The following FAT3 variants were observed in gnomAD, a reference collection of about 807,000 sequenced individuals.
The protein encoded by FAT3 is FAT atypical cadherin 3.
A neutral mutation model predicts 310.2 loss-of-function variants in FAT3; 95 were observed. The ratio of observed to expected loss-of-function variants is 0.31; its 90% CI spans 0.26 to 0.36. The LOEUF (loss-of-function observed/expected upper bound fraction) is 0.36. FAT3 is among the 10% of genes least tolerant of loss of function. FAT3 has a pLI of 1.00. For synonymous variants in FAT3, 2,314 were observed against 2,192.9 expected, an observed-to-expected ratio of 1.06 and a Z score of -1.54; for missense variants, 5,408 against 5,715.6, an observed-to-expected ratio of 0.95 and a Z score of 1.74.
intron 2 of FAT3, among the ~76,000 whole-genome samples, chr11:92,489,541 G>A (rs1043230634): frequency 6.6e-6 from 1 of 152,130 alleles, no homozygotes; most frequent in Non-Finnish European, 1.5e-5. Context: ...ATGGAACATA[G>A]AGGAGAGTTG....
intron 2 of FAT3, among the ~76,000 whole-genome samples, chr11:92,372,664 A>AT (rs10709845): frequency 5.9e-4 from 87 of 147,142 alleles, no homozygotes; most frequent in African/African-American, 8.4e-4. Flanking sequence ...TGGGCAAACA[A>AT]TTTTTTTTTT....
chr11:92,497,883 CA>C (rs1952812236), intron 2 of FAT3, among the ~76,000 whole-genome samples: 1 of 151,964 alleles, frequency 6.6e-6, no homozygotes, highest in African/African-American at 2.4e-5. Context: ...GACTTTTCTG[CA>C]AGCGAAACAG....
intron 3 of FAT3, among the ~76,000 whole-genome samples, chr11:92,568,625 C>T (rs752730532): frequency 3.3e-5 from 5 of 152,130 alleles, no homozygotes; most frequent in Non-Finnish European, 5.9e-5. Flanking sequence ...CATTCCATTG[C>T]TAACAGAATA....
At chr11:92,312,214 G>A (rs1299743937) in intron 1 of FAT3, among the ~76,000 whole-genome samples, 3 of 152,180 alleles carry the variant, frequency 2.0e-5, no homozygotes, top group Admixed American at 6.5e-5. Context: ...CTGCCTACAG[G>A]AATTCGTGAT....
intron 4 of FAT3, among the ~76,000 whole-genome samples, chr11:92,718,498 A>G (rs1260149819): frequency 2.0e-5 from 3 of 152,188 alleles, no homozygotes; most frequent in Admixed American, 6.6e-5. Flanking sequence ...GCAGACAGGG[A>G]CAGGATTGTG....
intron 1 of FAT3, among the ~76,000 whole-genome samples, chr11:92,270,319 C>T (rs1946089713): frequency 6.6e-6 from 1 of 151,976 alleles, no homozygotes; most frequent in Non-Finnish European, 1.5e-5. Flanking sequence ...GAACTTGGGT[C>T]TCCTTCCTTT....
intron 3 of FAT3, among the ~76,000 whole-genome samples, chr11:92,574,637 C>T (rs952116648): frequency 1.2e-4 from 19 of 152,246 alleles, no homozygotes; most frequent in African/African-American, 3.6e-4. Context: ...TAGGAAACAT[C>T]GTTTTGGCTC....
At chr11:92,854,282 G>C (rs1052644639) in intron 19 of FAT3, among the ~76,000 whole-genome samples, 13 of 152,196 alleles carry the variant, frequency 8.5e-5, no homozygotes, top group African/African-American at 3.1e-4. Flanking sequence ...AGGCACTTCT[G>C]AGCTTGCAGG....
At chr11:92,335,291 A>G (rs1430749697) in intron 1 of FAT3, among the ~76,000 whole-genome samples, 3 of 151,888 alleles carry the variant, frequency 2.0e-5, no homozygotes, top group Non-Finnish European at 4.4e-5. Context: ...CAAAATTCCT[A>G]AATGATTTCA....
intron 1 of FAT3, among the ~76,000 whole-genome samples, chr11:92,304,329 C>T (rs1157291246): frequency 6.6e-6 from 1 of 152,070 alleles, no homozygotes; most frequent in Non-Finnish European, 1.5e-5. Context: ...CTCTTTATGG[C>T]AGGGTCTGAT....
chr11:92,783,502 TA>T (rs11349996), intron 7 of FAT3, among the ~76,000 whole-genome samples: 109,972 of 140,296 alleles, frequency 0.78, 43,197 homozygotes, highest in Non-Finnish European at 0.84. Flanking sequence ...CTTTTTTAAT[TA>T]AAAAAAAAAA....
chr11:92,753,798 G>GTGTGTATATATATATATATATATATA lies in FAT3; in HGVS notation c.3670-8057_3670-8056insGTGTATATATATATATATATATATAT. The stretch of plus-strand genomic sequence containing the variant: ...GGTGTGTGTGTGTGTGTGTGTGTGT[G>GTGTGTATATATATATATATATATATA]TATATATATATGGTGGAATACTACT... On this transcript the variant is annotated intron_variant, in intron 4 of 27. Coordinates refer to ENST00000525166, the MANE Select transcript of FAT3 (RefSeq NM_001367949.2). 4.2e-5 allele frequency among the ~76,000 whole-genome samples: 5 copies of GTGTGTATATATATATATATATATATA among 119,180 alleles called. No individual in the cohort carries two copies. The South Asian group carries it at 7.4e-4, about 18-fold the overall frequency. 78.2% of individuals were successfully genotyped at this position (119,180 alleles called of 152,430 possible).
intron 3 of FAT3, among the ~76,000 whole-genome samples, chr11:92,644,269 A>G (rs1256658101): frequency 1.3e-5 from 2 of 152,228 alleles, no homozygotes; most frequent in Non-Finnish European, 2.9e-5. Context: ...TTTTCTCTCT[A>G]TCAATTATGT....
chr11:92,594,530 T>C (rs1283903052), intron 3 of FAT3, among the ~76,000 whole-genome samples: 1 of 152,200 alleles, frequency 6.6e-6, no homozygotes, highest in African/African-American at 2.4e-5. Context: ...TTCATTCCAG[T>C]GTATGACCTT....
rs1329251353 is a variant in FAT3 at position 92,891,510 on chromosome 11, C to T, written c.*397C>T. The T allele has an allele frequency of 1.6e-5, 3 of 189,126 alleles. No individual in the cohort carries two copies. Among genetic ancestry groups the T allele is most frequent in the African/African-American group, 6.9e-5 (3 of 43,518 alleles). The allele number at this position is 189,126 out of a possible 1,614,324, so 11.7% of individuals were successfully genotyped here. ...GGCAACAATCAAAGAGGCATTGTTGCATGTAATTTTGAGCCAATGAAATGA... is the reference window on the plus strand; with the variant it reads ...GGCAACAATCAAAGAGGCATTGTTGTATGTAATTTTGAGCCAATGAAATGA... On this transcript the variant is annotated 3_prime_UTR_variant, in exon 28 of 28. Coordinates refer to ENST00000525166, the MANE Select transcript of FAT3 (RefSeq NM_001367949.2).
intron 14 of FAT3, among the ~76,000 whole-genome samples, chr11:92,833,014 C>T (rs530735092): frequency 2.5e-4 from 38 of 152,210 alleles, no homozygotes; most frequent in South Asian, 1.2e-3. Context: ...AAAGGTGCTT[C>T]GAAATAAAGC....
intron 16 of FAT3, 47 bp from the exon 17 acceptor site, chr11:92,837,616 A>G (rs376250262): frequency 1.2e-6 from 2 of 1,605,692 alleles, no homozygotes; most frequent in Non-Finnish European, 1.7e-6. Context: ...GCACAGAAGG[A>G]AGGAAGCGCT....
intron 4 of FAT3, among the ~76,000 whole-genome samples, chr11:92,724,955 C>T (rs558070220): frequency 1.4e-4 from 22 of 152,176 alleles, no homozygotes; most frequent in Admixed American, 1.1e-3. Flanking sequence ...TGGCCATTTG[C>T]CAGCTATAAC....
intron 4 of FAT3, among the ~76,000 whole-genome samples, chr11:92,718,972 T>TTGAGC (rs1944772793): frequency 6.6e-6 from 1 of 152,204 alleles, no homozygotes. Flanking sequence ...TCTCTATGCT[T>TTGAGC]TGAGCTATGT....
Sources: gnomAD v4.1 joint callset for allele counts (sites outside exome capture counted in the v4.1 genomes callset) on GRCh38, gnomAD v4.1.1 for gene constraint, MANE v1.5 for transcripts, NCBI Gene and HGNC (gene_info 2026-07-23, HGNC 2026-07-21) for gene names.